Variants in KCNMA1 observed in about 807,000 individuals in gnomAD.
KCNMA1 encodes the protein Calcium-activated potassium channel subunit alpha-1.
KCNMA1 carries 29 observed loss-of-function variants against 140.0 expected under a neutral mutation model. That is an observed-to-expected ratio of 0.21 (90% CI 0.15 to 0.28). The LOEUF is 0.28. Ranked by LOEUF, KCNMA1 falls within the 10% of genes least tolerant of loss-of-function variation. The pLI is 1.00. For synonymous variants in KCNMA1, 612 were observed against 611.9 expected, an observed-to-expected ratio of 1.00 and a Z score of 0.00; for missense variants, 880 against 1,602.2, an observed-to-expected ratio of 0.55 and a Z score of 7.70.
chr10:77,350,230 T>C (rs748638473), intron 2 of KCNMA1: 2 of 152,240 alleles, frequency 1.3e-5, no homozygotes, highest in Non-Finnish European at 2.9e-5. Context: ...AGAATACTGA[T>C]GCATAGGGCA....
chr10:77,632,570 T>C (rs1223804314), intron 1 of KCNMA1, among the ~76,000 whole-genome samples: 1 of 152,200 alleles, frequency 6.6e-6, no homozygotes, highest in Non-Finnish European at 1.5e-5. Context: ...TCTGCTGCCC[T>C]GCCCTAACTT....
intron 3 of KCNMA1, among the ~76,000 whole-genome samples, chr10:77,197,969 C>A (rs534971438): frequency 6.6e-6 from 1 of 151,982 alleles, no homozygotes; most frequent in African/African-American, 2.4e-5. Context: ...CGAGGAGGGG[C>A]GAGACAGAGG....
chr10:77,275,231 A>G (rs978486844), intron 2 of KCNMA1, among the ~76,000 whole-genome samples: 3 of 152,094 alleles, frequency 2.0e-5, no homozygotes, highest in African/African-American at 7.2e-5. Flanking sequence ...GCTTCAGGAT[A>G]CTCTTTCTGA....
chr10:77,373,810 G>A (rs573940599), intron 2 of KCNMA1: 5 of 152,262 alleles, frequency 3.3e-5, no homozygotes, highest in African/African-American at 1.2e-4. Flanking sequence ...CTTCCAGTTG[G>A]TGGGCCCAGG....
chr10:77,525,807 T>G (rs559975339), intron 1 of KCNMA1, among the ~76,000 whole-genome samples: 1 of 152,316 alleles, frequency 6.6e-6, no homozygotes, highest in African/African-American at 2.4e-5. Flanking sequence ...TGGCCCCATC[T>G]TGTCCAGGTT....
chr10:77,408,802 C>T (rs993041350), intron 1 of KCNMA1, among the ~76,000 whole-genome samples: 2 of 152,164 alleles, frequency 1.3e-5, no homozygotes, highest in East Asian at 1.9e-4. Context: ...GAAAGGGATT[C>T]GGCCTTGCAC....
At chr10:77,286,492 C>G (rs1329393018) in intron 2 of KCNMA1, among the ~76,000 whole-genome samples, 3 of 152,196 alleles carry the variant, frequency 2.0e-5, no homozygotes, top group Non-Finnish European at 4.4e-5. Flanking sequence ...TGGTAATACC[C>G]ATCTCTCACG....
chr10:77,619,331 T>G, intron 1 of KCNMA1, among the ~76,000 whole-genome samples: 1 of 151,814 alleles, frequency 6.6e-6, no homozygotes, highest in Non-Finnish European at 1.5e-5. Flanking sequence ...TCTCTCTCTC[T>G]CTCTCTCTCT....
At chr10:76,937,241 G>T (rs991966050) in intron 23 of KCNMA1, among the ~76,000 whole-genome samples, 22 of 152,174 alleles carry the variant, frequency 1.4e-4, no homozygotes, top group Admixed American at 1.3e-3. Context: ...TTGTCCAATG[G>T]AGCAGAAGAT....
chr10:77,457,532 C>T (rs964668237), intron 1 of KCNMA1, among the ~76,000 whole-genome samples: 25 of 152,172 alleles, frequency 1.6e-4, no homozygotes, highest in African/African-American at 6.0e-4. Flanking sequence ...TCCCTTCCCC[C>T]TCTAGCCCTA....
chr10:77,496,289 A>C (rs1209238422), intron 1 of KCNMA1, among the ~76,000 whole-genome samples: 2 of 152,134 alleles, frequency 1.3e-5, no homozygotes, highest in Non-Finnish European at 2.9e-5. Flanking sequence ...CTCTAGAAGG[A>C]GCACCATTCA....
At chr10:77,255,444 T>G (rs747197055) in intron 2 of KCNMA1, among the ~76,000 whole-genome samples, 1 of 150,218 alleles carries the variant, frequency 6.7e-6, no homozygotes, top group Non-Finnish European at 1.5e-5. Context: ...TACCAAAAAA[T>G]GCAAAAATTA....
intron 2 of KCNMA1, among the ~76,000 whole-genome samples, chr10:77,277,908 GA>G: frequency 6.6e-6 from 1 of 152,090 alleles, no homozygotes; most frequent in East Asian, 1.9e-4. Context: ...AGAGTTCAAA[GA>G]AAAAAGAATG....
chr10:77,299,706 T>C (rs984777648), intron 2 of KCNMA1, among the ~76,000 whole-genome samples: 1 of 152,222 alleles, frequency 6.6e-6, no homozygotes, highest in African/African-American at 2.4e-5. Context: ...ACCGAGGGTC[T>C]GGAAATCAGA....
chr10:77,075,234 T>C (rs1028105972), intron 13 of KCNMA1, among the ~76,000 whole-genome samples: 1 of 152,196 alleles, frequency 6.6e-6, no homozygotes, highest in African/African-American at 2.4e-5. Context: ...GCCCTACCCT[T>C]TATTCCTTCC....
At chr10:77,580,208 C>T (rs1264349074) in intron 1 of KCNMA1, among the ~76,000 whole-genome samples, 2 of 151,890 alleles carry the variant, frequency 1.3e-5, no homozygotes, top group Non-Finnish European at 1.5e-5. Context: ...AGTGAAACCC[C>T]GTCTCCACTA....
chr10:77,093,594 T>C (rs2096864724), intron 9 of KCNMA1, among the ~76,000 whole-genome samples: 3 of 152,188 alleles, frequency 2.0e-5, no homozygotes, highest in Admixed American at 2.0e-4. Flanking sequence ...TGCAAGAGCA[T>C]GAGGGATGGA....
chr10:77,446,221 C>T (rs182888069), intron 1 of KCNMA1, among the ~76,000 whole-genome samples: 17 of 152,344 alleles, frequency 1.1e-4, no homozygotes, highest in African/African-American at 2.9e-4. Context: ...CTTGGACCAC[C>T]AGTGAAACTA....
intron 1 of KCNMA1, among the ~76,000 whole-genome samples, chr10:77,509,050 G>T (rs2047325906): frequency 6.6e-6 from 1 of 152,132 alleles, no homozygotes; most frequent in Admixed American, 6.5e-5. Context: ...GGACATTTCA[G>T]TTGATTCTAC....
Sources: allele counts gnomAD v4.1 joint callset (sites outside exome capture counted in the v4.1 genomes callset), GRCh38; gene constraint gnomAD v4.1.1; transcripts MANE v1.5; gene names NCBI Gene and HGNC (gene_info 2026-07-23, HGNC 2026-07-21).